Variants in CHD1 observed in about 807,000 individuals in gnomAD.
CHD1 encodes the protein chromodomain helicase DNA binding protein 1, also known as ATP-dependent chromatin remodeler CHD1.
In CHD1, 36 loss-of-function variants were observed where a neutral mutation model predicts 224.2. The ratio of observed to expected loss-of-function variants is 0.16; its 90% CI spans 0.12 to 0.21. The LOEUF is 0.21. CHD1 is among the 10% of genes least tolerant of loss of function. The pLI, the probability that CHD1 is intolerant of heterozygous loss-of-function variation, is 1.00. For synonymous variants in CHD1, 668 were observed against 658.3 expected, an observed-to-expected ratio of 1.01 and a Z score of -0.23; for missense variants, 1,378 against 1,994.8, an observed-to-expected ratio of 0.69 and a Z score of 5.89.
At chr5:98,869,352 A>C (rs928165862) in intron 30 of CHD1, 15 of 696,952 alleles carry the variant, frequency 2.2e-5, no homozygotes, top group Middle Eastern at 7.2e-4. Flanking sequence ...ATATGACTAC[A>C]GATTGCATGT....
intron 31 of CHD1, 93 bp downstream of exon 31, chr5:98,868,402 C>CA: frequency 1.2e-6 from 1 of 861,462 alleles, no homozygotes; most frequent in Non-Finnish European, 1.6e-6. Context: ...ACAATAAATT[C>CA]AAATGCAGTT....
At chr5:98,859,370 C>A (rs1185867496) in intron 33 of CHD1, among the ~76,000 whole-genome samples, 1 of 152,034 alleles carries the variant, frequency 6.6e-6, no homozygotes, top group East Asian at 1.9e-4. Context: ...AATTGAAGAA[C>A]AGACTTCATT....
chr5:98,857,534 C>T (rs1320510174), intron 35 of CHD1, among the ~76,000 whole-genome samples: 2 of 152,028 alleles, frequency 1.3e-5, no homozygotes, highest in East Asian at 3.9e-4. Context: ...GTTTCTTCTA[C>T]TTACTATAAA....
chr5:98,881,707 A>C (rs1278130247), intron 20 of CHD1, among the ~76,000 whole-genome samples: 53 of 152,196 alleles, frequency 3.5e-4, no homozygotes, highest in Non-Finnish European at 1.0e-4. Context: ...GTGGGGTTTC[A>C]CTATGTTGCC....
At chr5:98,880,855 A>T (rs994625784) in intron 22 of CHD1, among the ~76,000 whole-genome samples, 1 of 152,232 alleles carries the variant, frequency 6.6e-6, no homozygotes, top group Admixed American at 6.5e-5. Flanking sequence ...GCTAATTAGG[A>T]AACAACAGCT....
At chr5:98,881,252 C>A in intron 21 of CHD1, 27 bp downstream of exon 21, 3 of 674,848 alleles carry the variant, frequency 4.4e-6, no homozygotes, top group South Asian at 2.2e-5. Context: ...TGAGGCAGGC[C>A]TTTTTTTTTT....
Position 98,894,682 on chromosome 5 carries a change from C to A in CHD1, c.1715G>T (p.Arg572Ile). The A allele has an allele frequency of 7.0e-7, 1 of 1,437,844 alleles. No homozygotes were observed. The highest frequency in any genetic ancestry group is 9.6e-7 in the Non-Finnish European group (1 of 1,045,284). 89.1% of individuals were successfully genotyped at this position (1,437,844 alleles called of 1,614,324 possible). Residue 572 changes from arginine to isoleucine, a missense_variant, in exon 13 of 36, where the codon AGA (arginine) becomes ATA (isoleucine). Around this residue, in one of 16 missense-constraint regions of CHD1, gnomAD observed 49 missense variants for 135.7 expected, o/e 0.36. Coordinates refer to ENST00000614616, the MANE Select transcript of CHD1 (RefSeq NM_001270.4). ...LGDINSRNMI[R>I]THEWTHHQTK... ...CTGATGATGCGTCCATTCATGAGTT[C>A]TTATCTATTAAGAAATTTGAAGGAC...
chr5:98,862,380 G>C (rs1561478806), intron 32 of CHD1, among the ~76,000 whole-genome samples: 1 of 152,160 alleles, frequency 6.6e-6, no homozygotes, highest in Non-Finnish European at 1.5e-5. Flanking sequence ...AAAGAAAAGT[G>C]AGGTGAGAGC....
intron 2 of CHD1, among the ~76,000 whole-genome samples, chr5:98,906,161 A>G (rs1397023815): frequency 6.6e-6 from 1 of 152,186 alleles, no homozygotes. Flanking sequence ...TGCAGGAAGA[A>G]TTTTGATTCT....
In CHD1 at chr5:98,926,450, T is replaced by C; in HGVS notation, c.-64A>G. ...ATCTTCCCAGTTTAAAAGATGAATA[T>C]AAATACTGACTCCTTGAATATAAAA... is the stretch of plus-strand genomic sequence containing the variant. On this transcript the variant is annotated 5_prime_UTR_variant, in exon 2 of 36. Coordinates refer to ENST00000614616, the MANE Select transcript of CHD1 (RefSeq NM_001270.4). 1.2e-6 allele frequency: 1 copy of C among 808,492 alleles called. No homozygotes were observed. Among genetic ancestry groups the C allele is most frequent in the East Asian group, 3.0e-5 (1 of 33,440 alleles). The allele number at this position is 808,492 out of a possible 1,614,324, so 50.1% of individuals were successfully genotyped here. A position where few individuals can be genotyped will look rare whatever the true frequency, so the allele number is the denominator to read the frequency against.
chr5:98,919,411 G>A (rs1561279199), intron 2 of CHD1, among the ~76,000 whole-genome samples: 1 of 152,152 alleles, frequency 6.6e-6, no homozygotes, highest in East Asian at 1.9e-4. Flanking sequence ...AAAGGGGTGA[G>A]AGAAAAATGA....
At chr5:98,881,252 CTTT>C (rs11295695) in intron 21 of CHD1, 24 bp downstream of exon 21, 42,903 of 633,736 alleles carry the variant, frequency 0.068, no homozygotes, top group Middle Eastern at 0.082. Flanking sequence ...TGAGGCAGGC[CTTT>C]TTTTTTTTTT....
chr5:98,892,811 A>C, intron 14 of CHD1, 98 bp from the exon 15 acceptor site: 2 of 664,850 alleles, frequency 3.0e-6, no homozygotes, highest in Non-Finnish European at 4.6e-6. Context: ...TATAAACAAA[A>C]TACTACAGAT....
chr5:98,867,501 T>C (rs1483986879), intron 31 of CHD1, among the ~76,000 whole-genome samples: 2 of 152,284 alleles, frequency 1.3e-5, no homozygotes, highest in African/African-American at 4.8e-5. Flanking sequence ...TATATTGGTC[T>C]GCAAAAAACT....
chr5:98,878,055 C>T (rs1749893552), intron 23 of CHD1, among the ~76,000 whole-genome samples: 1 of 152,248 alleles, frequency 6.6e-6, no homozygotes, highest in East Asian at 1.9e-4. Context: ...AATCAAGTAC[C>T]ATACAAGCAG....
intron 31 of CHD1, among the ~76,000 whole-genome samples, chr5:98,866,999 A>T (rs1230613395): frequency 6.6e-6 from 1 of 152,196 alleles, no homozygotes; most frequent in Non-Finnish European, 1.5e-5. Context: ...TGAAGACAGC[A>T]CTGATCTGTA....
At chr5:98,890,108 C>T (rs1235469917) in intron 15 of CHD1, among the ~76,000 whole-genome samples, 6 of 152,254 alleles carry the variant, frequency 3.9e-5, no homozygotes, top group African/African-American at 1.4e-4. Context: ...ATGCTCACTA[C>T]CTGGATGCAA....
chr5:98,903,164 A>C (rs1236816664), intron 4 of CHD1, among the ~76,000 whole-genome samples, 200 bp from the exon 5 acceptor site: 3 of 152,214 alleles, frequency 2.0e-5, no homozygotes, highest in Admixed American at 2.0e-4. Context: ...AGTGAAATTA[A>C]GTAAATAGCA....
chr5:98,898,457 C>T (rs1554079060), intron 9 of CHD1, 23 bp from the exon 10 acceptor site: 4 of 1,503,266 alleles, frequency 2.7e-6, no homozygotes, highest in Non-Finnish European at 2.7e-6. Flanking sequence ...CAGGCATTTA[C>T]TTATTTATTT....
Sources: gnomAD v4.1 joint callset for allele counts (sites outside exome capture counted in the v4.1 genomes callset) on GRCh38, gnomAD v4.1.1 for gene constraint, gnomAD v4.1.1 regional missense constraint, MANE v1.5 for transcripts, NCBI Gene and HGNC (gene_info 2026-07-23, HGNC 2026-07-21) for gene names.